NOTCH4: variants seen among roughly 807,000 people sequenced by gnomAD.
The protein encoded by NOTCH4 is notch receptor 4, also known as neurogenic locus notch homolog protein 4.
NOTCH4 carries 138 observed loss-of-function variants against 189.0 expected under a neutral mutation model. That is an observed-to-expected ratio of 0.73 (90% CI 0.64 to 0.84). The LOEUF is 0.84. Among genes scored for constraint, NOTCH4 ranks in the 40% least tolerant of loss-of-function variants. The pLI is 0.00. For synonymous variants in NOTCH4, 942 were observed against 1,032.8 expected (o/e 0.91, Z 1.69); for missense variants, 2,286 against 2,605.4 (o/e 0.88, Z 2.67).
rs755461266 is a variant in NOTCH4 at position 32,202,595 on chromosome 6, A to C, written c.3236T>G (p.Phe1079Cys). The C allele has an allele frequency of 1.3e-6, 2 of 1,585,926 alleles. No individual in the cohort carries two copies. Among genetic ancestry groups the C allele is most frequent in the Admixed American group, 3.5e-5 (2 of 57,922 alleles). Reference protein sequence around the residue: ...LGFICHCPKGFEGPTCSHRAP... With the variant: ...LGFICHCPKGCEGPTCSHRAP... Reference sequence around the variant, plus strand: ...CCTGTGGCTGCAGGTGGGGCCTTCAAAACCCTGTGGAGGGGAGGGGAGATA... The same window carrying C: ...CCTGTGGCTGCAGGTGGGGCCTTCACAACCCTGTGGAGGGGAGGGGAGATA... The change falls in exon 21 of 30, where the codon TTT becomes TGT. Residue 1079 changes from phenylalanine (F) to cysteine (C), a missense_variant. Transcript: ENST00000375023. The surrounding 1 kb of genome is among the most constrained non-coding windows in gnomAD (Gnocchi z 5.7).
In NOTCH4 at chr6:32,195,868, A is replaced by C. The variant is rs1452063207; in HGVS notation, c.5581T>G (p.Cys1861Gly). 1.3e-6 allele frequency: 2 copies of C among 1,594,190 alleles called. No individual in the cohort carries two copies. Among genetic ancestry groups the C allele is most frequent in the East Asian group, 2.2e-5 (1 of 44,714 alleles). ...CCTGCTCCGGCTGACAGCGTCCGGC[A>C]GCGCGGCAGAGCCCCGCCCCCATGC... is the stretch of plus-strand genomic sequence containing the variant. ...PPHGGGALPR[C>G]RTLSAGAGPR... Residue 1861 changes from cysteine (C) to glycine (G), a missense_variant, in exon 30 of 30, where the codon TGC becomes GGC. Physicochemically the swap from Cys to Gly is radical, Grantham distance 159. Transcript: ENST00000375023. This position sits in a 1 kb window ranked among gnomAD's most constrained non-coding sequence, Gnocchi z 5.4.
rs2127487348 is a variant in NOTCH4 at position 32,220,492 on chromosome 6, C to T, written c.1072G>A (p.Asp358Asn). Residue 358 changes from aspartate (D) to asparagine (N), a missense_variant, in exon 6 of 30, where the codon GAC becomes AAC. Transcript: ENST00000375023. Reference protein sequence around the residue: ...GGTSCEENLDDCIAATCAPGS... With the variant: ...GGTSCEENLDNCIAATCAPGS... Reference sequence around the variant, plus strand: ...GGGGCACAGGTGGCAGCAATACAGTCATCCAGGTTCTCCTCACAGCTTGTG... The same window carrying T: ...GGGGCACAGGTGGCAGCAATACAGTTATCCAGGTTCTCCTCACAGCTTGTG... The T allele has an allele frequency of 6.2e-7, 1 of 1,613,618 alleles. No individual in the cohort carries two copies. The highest frequency in any genetic ancestry group is 8.5e-7 in the Non-Finnish European group (1 of 1,180,030).
At chr6:32,208,005 A>AC (rs1788802994) in intron 18 of NOTCH4, among the ~76,000 whole-genome samples, 5 of 13,284 alleles carry the variant, frequency 3.8e-4, no homozygotes, top group Non-Finnish European at 1.5e-4. Flanking sequence ...CTCCTTCTCA[A>AC]AAAAAAAAAA....
rs1396010207 is a variant in NOTCH4 at position 32,200,762 on chromosome 6, A to G, written c.4315+69T>C. ...AGCTGTCCTGTTTGATTCAGCCTCC[A>G]TTGCCTGTTGCTAGCATGAGAGCTG... On this transcript the variant is annotated intron_variant, in intron 23 of 29. Coordinates refer to ENST00000375023, the MANE Select transcript of NOTCH4 (RefSeq NM_004557.4). This position sits in a 1 kb window ranked among gnomAD's most constrained non-coding sequence, Gnocchi z 5.0. The G allele has an allele frequency of 2.2e-5, 30 of 1,338,946 alleles. No homozygotes were observed. Among genetic ancestry groups the G allele is most frequent in the Non-Finnish European group, 2.9e-5 (29 of 987,688 alleles). The allele number at this position is 1,338,946 out of a possible 1,614,324, so 82.9% of individuals were successfully genotyped here.
chr6:32,220,076 G>C, intron 7 of NOTCH4, 53 bp downstream of exon 7: 2 of 1,578,060 alleles, frequency 1.3e-6, no homozygotes, highest in Non-Finnish European at 1.7e-6. Context: ...TCTGTCTTCA[G>C]TGCAGAGGCC....
rs1788234072 is a variant in NOTCH4 at position 32,199,917 on chromosome 6, C to T, written c.4316-772G>A. On this transcript the variant is annotated intron_variant, in intron 23 of 29. Coordinates refer to ENST00000375023, the MANE Select transcript of NOTCH4 (RefSeq NM_004557.4). The surrounding 1 kb of genome is among the most constrained non-coding windows in gnomAD (Gnocchi z 4.9). ...ACAAAAAAAGGCTGAGTATCCATAA[C>T]CCCAATCCCAAATCTGAAATGTTCC... is the stretch of plus-strand genomic sequence containing the variant. 6.6e-6 allele frequency among the ~76,000 whole-genome samples: 1 copy of T among 152,060 alleles called. No homozygotes were observed. Among genetic ancestry groups the T allele is most frequent in the African/African-American group, 2.4e-5 (1 of 41,404 alleles).
intron 1 of NOTCH4, among the ~76,000 whole-genome samples, 153 bp downstream of exon 1, chr6:32,223,703 G>A (rs1789942075): frequency 6.6e-6 from 1 of 151,998 alleles, no homozygotes; most frequent in South Asian, 2.1e-4. Context: ...GGGCAGAGCC[G>A]TCTTTCCCTG....
rs748829728 is a variant in NOTCH4, at chr6:32,195,831, C to G, written c.5618G>C (p.Gly1873Ala). 6.3e-7 allele frequency: 1 copy of G among 1,598,916 alleles called. No individual in the cohort carries two copies. The highest frequency in any genetic ancestry group is 1.1e-5 in the South Asian group (1 of 90,814). The change falls in exon 30 of 30, where the codon GGC becomes GCC. Residue 1873 changes from glycine to alanine, a missense_variant. Gly to Ala is a moderately conservative substitution (Grantham distance 60, BLOSUM62 0). Transcript: ENST00000375023. The surrounding 1 kb of genome is among the most constrained non-coding windows in gnomAD (Gnocchi z 5.4). ...TLSAGAGPRG[G>A]GACLQARTWS... ...AGTCCGAGCCTGCAGACAAGCTCCGCCCCCACGAGGGCCTGCTCCGGCTGA... is the reference window on the plus strand; with the variant it reads ...AGTCCGAGCCTGCAGACAAGCTCCGGCCCCACGAGGGCCTGCTCCGGCTGA...
chr6:32,218,467 C>T (rs1008952772), intron 8 of NOTCH4, among the ~76,000 whole-genome samples: 8 of 152,166 alleles, frequency 5.3e-5, no homozygotes, highest in Non-Finnish European at 1.0e-4. Flanking sequence ...GAATGAGTCC[C>T]GCTTCTTGTT....
At position 32,212,239 on chromosome 6, in the gene NOTCH4, G is replaced by T. The variant is rs778612492; in HGVS notation, c.2680+235C>A. The stretch of plus-strand genomic sequence containing the variant: ...GGTTGGGTTAAACTGGAATCCTGTG[G>T]AATGGGCTGGTTGGTGTTGCTTGAA... On this transcript the variant is annotated intron_variant, in intron 17 of 29. Coordinates refer to ENST00000375023, the MANE Select transcript of NOTCH4 (RefSeq NM_004557.4). The surrounding 1 kb of genome is among the most constrained non-coding windows in gnomAD (Gnocchi z 4.4). 2.6e-5 allele frequency among the ~76,000 whole-genome samples: 4 copies of T among 152,166 alleles called. No homozygotes were observed. The highest frequency in any genetic ancestry group is 4.4e-5 in the Non-Finnish European group (3 of 68,024).
Position 32,196,118 on chromosome 6 carries a change from T to G in NOTCH4, c.5331A>C (p.Glu1777Asp). The change falls in exon 30 of 30, where the codon GAA becomes GAC. Residue 1777 changes from glutamate (E) to aspartate (D), a missense_variant. Glu to Asp is a conservative substitution (Grantham distance 45). This residue lies in a region of NOTCH4 where 383 missense variants were observed against 343.5 expected (regional missense o/e 1.11). Coordinates refer to ENST00000375023, the MANE Select transcript of NOTCH4 (RefSeq NM_004557.4). ...EQTPLFLAAR[E>D]GAVEVAQLLL... ...GTAGCTGGGCTACTTCCACCGCTCC[T>G]TCCCGCGCCGCCAGGAATAGCGGCG... 6.3e-7 allele frequency: 1 copy of G among 1,590,062 alleles called. No individual in the cohort carries two copies. The highest frequency in any genetic ancestry group is 1.1e-5 in the South Asian group (1 of 90,030).
rs1788309876 is a variant in NOTCH4 at position 32,201,023 on chromosome 6, T to A, written c.4140-17A>T. The stretch of plus-strand genomic sequence containing the variant: ...ACCACAAACCTGTAGAGGAGGCACC[T>A]CAGAGACCTCTGTATTGGTCCCTGG... On this transcript the variant is annotated splice_polypyrimidine_tract_variant and intron_variant, in intron 22 of 29. Transcript: ENST00000375023. This position sits in a 1 kb window ranked among gnomAD's most constrained non-coding sequence, Gnocchi z 5.5. 1 of 1,554,632 alleles carries A rather than the reference T, an allele frequency of 6.4e-7. No homozygotes were observed. The highest frequency in any genetic ancestry group is 1.4e-5 in the African/African-American group (1 of 73,238).
In NOTCH4 at chr6:32,213,253, C is replaced by T; in HGVS notation, c.2321-1G>A. 1 of 1,607,514 alleles carries T rather than the reference C, an allele frequency of 6.2e-7. No individual in the cohort carries two copies. The highest frequency in any genetic ancestry group is 1.1e-5 in the South Asian group (1 of 90,848). The stretch of plus-strand genomic sequence containing the variant: ...CAGGTACCCCCATTGAAGCACGGGG[C>T]TGGAGAGAGGAGGCTGTGAGGGTTT... On this transcript the variant is annotated splice_acceptor_variant, in intron 14 of 29. Coordinates refer to ENST00000375023, the MANE Select transcript of NOTCH4 (RefSeq NM_004557.4). LOFTEE classifies it high-confidence loss of function.
Position 32,220,973 on chromosome 6 carries a change from C to T in NOTCH4, c.799+5G>A. On this transcript the variant is annotated splice_donor_5th_base_variant and intron_variant, in intron 4 of 29. Coordinates refer to ENST00000375023, the MANE Select transcript of NOTCH4 (RefSeq NM_004557.4). ...GGCGGCCGGAGAGCCCCTGTGAGGA[C>T]ACACCTGGGGGACAGAGGCAGAGGT... The T allele has an allele frequency of 6.3e-7, 1 of 1,597,042 alleles. No homozygotes were observed. The highest frequency in any genetic ancestry group is 8.5e-7 in the Non-Finnish European group (1 of 1,170,192).
intron 7 of NOTCH4, 83 bp downstream of exon 7, chr6:32,220,046 G>A: frequency 6.8e-7 from 1 of 1,462,712 alleles, no homozygotes; most frequent in Non-Finnish European, 9.3e-7. Flanking sequence ...TTTTTTAATT[G>A]GAAAAGCAAT....
At chr6:32,206,400 G>T (rs556180981) in intron 18 of NOTCH4, among the ~76,000 whole-genome samples, 46 of 151,964 alleles carry the variant, frequency 3.0e-4, no homozygotes, top group Non-Finnish European at 5.9e-4. Context: ...ATTTCTATAC[G>T]CTAACAGCAA....
chr6:32,217,206 T>C lies in NOTCH4; in HGVS notation c.1685A>G (p.Asn562Ser). Residue 562 changes from asparagine to serine, a missense_variant, in exon 10 of 30, where the codon AAT becomes AGT. Asn to Ser is a conservative substitution (Grantham distance 46, BLOSUM62 1). Transcript: ENST00000375023. The surrounding 1 kb of genome is among the most constrained non-coding windows in gnomAD (Gnocchi z 4.2). ...AGGCTGGTCCTGGCACTGCCCACCA[T>C]TGGCACAGGGAGAGCTTCTGCACTC... The part of the protein sequence containing the change: ...IDECRSSPCA[N>S]GGQCQDQPGA... 3 of 1,613,060 alleles carry C rather than the reference T, an allele frequency of 1.9e-6. No homozygotes were observed. The highest frequency in any genetic ancestry group is 2.5e-6 in the Non-Finnish European group (3 of 1,180,020).
chr6:32,218,965 A>G (rs557868980), intron 8 of NOTCH4, among the ~76,000 whole-genome samples: 1 of 152,342 alleles, frequency 6.6e-6, no homozygotes, highest in East Asian at 1.9e-4. Context: ...TGTAATAAGT[A>G]GATGAGACAA....
At chr6:32,219,811 T>A in intron 7 of NOTCH4, 25 bp from the exon 8 acceptor site, 1 of 1,594,044 alleles carries the variant, frequency 6.3e-7, no homozygotes, top group Non-Finnish European at 8.6e-7. Flanking sequence ...GAGCTGGGAG[T>A]CCACAGGGGT....
Sources: gnomAD v4.1 joint callset for allele counts (sites outside exome capture counted in the v4.1 genomes callset) on GRCh38, gnomAD v4.1.1 for gene constraint, gnomAD v4.1.1 regional missense constraint, Gnocchi (gnomAD v3.1) non-coding constraint, MANE v1.5 for transcripts, NCBI Gene and HGNC (gene_info 2026-07-23, HGNC 2026-07-21) for gene names.